Variants in ANAPC2 observed in about 807,000 individuals in gnomAD.
The protein encoded by ANAPC2 is anaphase-promoting complex subunit 2.
A neutral mutation model predicts 84.3 loss-of-function variants in ANAPC2; 29 were observed. That is an observed-to-expected ratio of 0.34 (90% CI 0.26 to 0.47). The LOEUF (loss-of-function observed/expected upper bound fraction) is 0.47, where lower values mean the gene tolerates loss of function less well. ANAPC2 is among the 20% of genes least tolerant of loss of function. The pLI is 1.00. For missense variants in ANAPC2, 857 were observed against 1,131.7 expected (o/e 0.76, Z 3.48); for synonymous variants, 571 against 479.4 (o/e 1.19, Z -2.50).
intron 10 of ANAPC2, 41 bp downstream of exon 10, chr9:137,180,140 G>C: frequency 6.3e-7 from 1 of 1,593,434 alleles, no homozygotes; most frequent in African/African-American, 1.3e-5. Context: ...GTGCAGGGTA[G>C]GGGTGCCAAG....
At chr9:137,179,969 G>A (rs998689796) in intron 10 of ANAPC2, among the ~76,000 whole-genome samples, 10 of 152,250 alleles carry the variant, frequency 6.6e-5, no homozygotes, top group Admixed American at 1.3e-4. Context: ...CCGCGCGGAC[G>A]CTCGCTCACA....
At chr9:137,180,647 G>A (rs555810109) in intron 8 of ANAPC2, 120 bp from the exon 9 acceptor site, 1 of 1,569,518 alleles carries the variant, frequency 6.4e-7, no homozygotes, top group Admixed American at 1.7e-5. Context: ...CACCCCAATG[G>A]CTAGCACACC....
In ANAPC2 at chr9:137,175,078, C is replaced by T. The variant is rs748662014; in HGVS notation, c.2333G>A (p.Arg778His). 8 of 1,607,746 alleles carry T rather than the reference C, an allele frequency of 5.0e-6. No homozygotes were observed. The highest frequency in any genetic ancestry group is 3.4e-5 in the Admixed American group (2 of 59,422). The change falls in exon 13 of 13, where the codon CGC becomes CAC. Residue 778 changes from arginine to histidine, a missense_variant. Physicochemically the swap from Arg to His is conservative, Grantham distance 29 (BLOSUM62 0). This residue lies in a region of ANAPC2 where 425 missense variants were observed against 595.5 expected (regional missense o/e 0.71). Transcript: ENST00000323927. ...TGCAGGCCCAGTCACCACAAACATG[C>T]GGAGCATGTTGTAGATACGATCCAG... is the stretch of plus-strand genomic sequence containing the variant. ...LSLDRIYNML[R>H]MFVVTGPALA... is the part of the protein sequence containing the mutation.
At chr9:137,176,391 T>A (rs529418803) in intron 10 of ANAPC2, 17 of 152,432 alleles carry the variant, frequency 1.1e-4, no homozygotes, top group African/African-American at 4.1e-4. Flanking sequence ...ACAATCTATT[T>A]CTGTTTTTTA....
At chr9:137,183,535 C>A in intron 5 of ANAPC2, 137 bp downstream of exon 5, 1 of 1,336,988 alleles carries the variant, frequency 7.5e-7, no homozygotes, top group Non-Finnish European at 1.0e-6. Flanking sequence ...AAGGACCTCA[C>A]CAATTGCTTC....
chr9:137,188,311 A>G, intron 1 of ANAPC2, 105 bp downstream of exon 1: 1 of 1,358,332 alleles, frequency 7.4e-7, no homozygotes, highest in Non-Finnish European at 1.0e-6. Context: ...GACAGGACAG[A>G]GGCGGATGAT....
chr9:137,179,737 G>A (rs1324190353), intron 10 of ANAPC2, among the ~76,000 whole-genome samples: 1 of 152,220 alleles, frequency 6.6e-6, no homozygotes, highest in East Asian at 1.9e-4. Flanking sequence ...CTGGGGGTCA[G>A]GTGCGCCTGG....
chr9:137,183,047 G>A lies in ANAPC2; in HGVS notation c.1286+78C>T, dbSNP rs376222218. 96 of 1,208,430 alleles carry A rather than the reference G, an allele frequency of 7.9e-5. No homozygotes were observed. The African/African-American group carries it at 9.4e-4, about 12-fold the overall frequency. The allele number at this position is 1,208,430 out of a possible 1,614,324, so 74.9% of individuals were successfully genotyped here. ...GTCCTGACGGCCGAACACACCCTCCGGCTGCCCCCCAGGACCACGAGGAGC... is the reference window on the plus strand; with the variant it reads ...GTCCTGACGGCCGAACACACCCTCCAGCTGCCCCCCAGGACCACGAGGAGC... On this transcript the variant is annotated intron_variant, in intron 6 of 12. Transcript: ENST00000323927.
chr9:137,177,530 A>G (rs1834249616), intron 10 of ANAPC2, among the ~76,000 whole-genome samples: 1 of 148,082 alleles, frequency 6.8e-6, no homozygotes, highest in Non-Finnish European at 1.5e-5. Flanking sequence ...ATGCATTTAC[A>G]GGCTGAGATG....
At chr9:137,185,117 G>A (rs1359723956) in intron 3 of ANAPC2, 30 bp from the exon 4 acceptor site, 3 of 1,496,916 alleles carry the variant, frequency 2.0e-6, no homozygotes, top group Admixed American at 2.5e-5. Context: ...GTGAGCTGCA[G>A]GGAGGCATGG....
chr9:137,175,655 C>A (rs1380310780), intron 11 of ANAPC2, 53 bp downstream of exon 11: 2 of 1,574,772 alleles, frequency 1.3e-6, no homozygotes, highest in Non-Finnish European at 1.7e-6. Context: ...AGCCCCTCAC[C>A]CACAGCTGGG....
rs538304767 is a variant in ANAPC2, at chr9:137,174,816, G to A, written c.*126C>T. 595 of 1,435,168 alleles carry A rather than the reference G, an allele frequency of 4.1e-4. No homozygotes were observed. Among genetic ancestry groups the A allele is most frequent in the South Asian group, 9.1e-4 (63 of 69,314 alleles). The allele number at this position is 1,435,168 out of a possible 1,614,324, so 88.9% of individuals were successfully genotyped here. A position where few individuals can be genotyped will look rare whatever the true frequency, so the allele number is the denominator to read the frequency against. The stretch of plus-strand genomic sequence containing the variant: ...TGACTTGCTTTAATCTGCACACTGC[G>A]GGGGTGGGGGTGGGCATGCTCCTCA... On this transcript the variant is annotated 3_prime_UTR_variant, in exon 13 of 13. Transcript: ENST00000323927. This position sits in a 1 kb window ranked among gnomAD's most constrained non-coding sequence, Gnocchi z 6.1.
Position 137,187,257 on chromosome 9 carries a change from G to C in ANAPC2, c.740+224C>G, listed in dbSNP as rs562140583. 613 of 607,172 alleles carry C rather than the reference G, an allele frequency of 1.0e-3. 10 individuals are homozygous for C. In the South Asian group the frequency reaches 0.013, roughly 13 times the overall value. 37.6% of individuals were successfully genotyped at this position (607,172 alleles called of 1,614,324 possible). ...CTGCTGCAGACACAAGCCACATAGG[G>C]CCTTACCAGGGTCAAGGCATGAATC... On this transcript the variant is annotated intron_variant, in intron 2 of 12. Transcript: ENST00000323927.
chr9:137,187,770 C>G lies in ANAPC2; in HGVS notation c.451G>C (p.Glu151Gln). Reference protein sequence around the residue: ...LMGTGAQGLREEVHTMLRGVL... With the variant: ...LMGTGAQGLRQEVHTMLRGVL... ...CCGCGCAACATAGTGTGGACTTCTT[C>G]TCGCAGCCCCTGAGCACCAGTGCCC... Residue 151 changes from glutamate (E) to glutamine (Q), a missense_variant, in exon 2 of 13, where the codon GAA becomes CAA. By Grantham distance (29) the Glu-to-Gln change is conservative (BLOSUM62 2). Transcript: ENST00000323927. 6.2e-7 allele frequency: 1 copy of G among 1,613,722 alleles called. No individual in the cohort carries two copies. The highest frequency in any genetic ancestry group is 1.7e-5 in the Admixed American group (1 of 60,032).
chr9:137,186,287 C>T lies in ANAPC2; in HGVS notation c.810G>A (p.Arg270=), dbSNP rs1256328458. The change falls in exon 3 of 13, where the codon CGG becomes CGA. Residue 270 remains arginine (R), a synonymous_variant. Transcript: ENST00000323927. ...AVTTTLHQVT[R]ERMEDRCRGE... is the part of the protein sequence containing the mutation. ...CCCGGCAACGGTCCTCCATCCTCTCCCGGGTCACCTGGTGCAGGGTGGTGG... is the reference window on the plus strand; with the variant it reads ...CCCGGCAACGGTCCTCCATCCTCTCTCGGGTCACCTGGTGCAGGGTGGTGG... 1 of 1,612,392 alleles carries T rather than the reference C, an allele frequency of 6.2e-7. No homozygotes were observed. Among genetic ancestry groups the T allele is most frequent in the East Asian group, 2.2e-5 (1 of 44,880 alleles).
chr9:137,179,336 G>A lies in ANAPC2; in HGVS notation c.1890+845C>T, dbSNP rs1280821892. The stretch of plus-strand genomic sequence containing the variant: ...GGAACCCGCCTGTGACGACCATCCC[G>A]ACCCCTTCCTCCCCGAGCCGACACC... On this transcript the variant is annotated intron_variant, in intron 10 of 12. Coordinates refer to ENST00000323927, the MANE Select transcript of ANAPC2 (RefSeq NM_013366.4). 4.0e-5 allele frequency among the ~76,000 whole-genome samples: 6 copies of A among 151,878 alleles called. No homozygotes were observed. The East Asian group carries it at 5.8e-4, about 15-fold the overall frequency.
rs1436329837 is a variant in ANAPC2, at chr9:137,181,680, C to T, written c.1468+1G>A. 1 of 1,591,630 alleles carries T rather than the reference C, an allele frequency of 6.3e-7. No homozygotes were observed. Among genetic ancestry groups the T allele is most frequent in the Non-Finnish European group, 8.6e-7 (1 of 1,165,942 alleles). ...AAAGGGACCATGTGGGGCAAGCTAACCTGGATCGGCATCCACAGGGTCCGG... is the reference window on the plus strand; with the variant it reads ...AAAGGGACCATGTGGGGCAAGCTAATCTGGATCGGCATCCACAGGGTCCGG... On this transcript the variant is annotated splice_donor_variant, in intron 7 of 12. Transcript: ENST00000323927. LOFTEE classifies it high-confidence loss of function.
chr9:137,175,197 G>A (rs748469911), intron 12 of ANAPC2, 40 bp downstream of exon 12: 23 of 1,602,858 alleles, frequency 1.4e-5, no homozygotes, highest in Admixed American at 3.4e-5. Context: ...TGCAGGCCTC[G>A]CCCCCGCCCC....
Position 137,180,337 on chromosome 9 carries a change from A to T in ANAPC2, c.1734T>A (p.Asp578Glu), listed in dbSNP as rs374063157. 1.1e-5 allele frequency: 17 copies of T among 1,613,180 alleles called. No individual in the cohort carries two copies. Among genetic ancestry groups the T allele is most frequent in the Non-Finnish European group, 1.4e-5 (17 of 1,179,962 alleles). ...GCTGCTCCTCTGCTGGCCGCTTCTC[A>T]TCCTCCTCCCGGATGTTGGCATTGA... ...RRINANIREE[D>E]EKRPAEEQPP... The change falls in exon 10 of 13, where the codon GAT (aspartate) becomes GAA (glutamate). Residue 578 changes from aspartate (D) to glutamate (E), a missense_variant. Asp to Glu is a conservative substitution (Grantham distance 45). Coordinates refer to ENST00000323927, the MANE Select transcript of ANAPC2 (RefSeq NM_013366.4).
Sources: allele counts gnomAD v4.1 joint callset (sites outside exome capture counted in the v4.1 genomes callset), GRCh38; gene constraint gnomAD v4.1.1; regional missense constraint gnomAD v4.1.1; non-coding constraint Gnocchi (gnomAD v3.1); transcripts MANE v1.5; gene names NCBI Gene and HGNC (gene_info 2026-07-23, HGNC 2026-07-21).